The following FBXL7 variants were observed in gnomAD, a reference collection of about 807,000 sequenced individuals.
FBXL7 encodes the protein F-box/LRR-repeat protein 7.
A neutral mutation model predicts 38.3 loss-of-function variants in FBXL7; 12 were observed. The observed-to-expected ratio is 0.31, with a 90% CI of 0.20 to 0.51. FBXL7 has a LOEUF of 0.51. Among genes scored for constraint, FBXL7 ranks in the 20% least tolerant of loss-of-function variants. The pLI is 0.98. For missense variants in FBXL7, 567 were observed against 676.4 expected (o/e 0.84, Z 1.79); for synonymous variants, 297 against 300.9 (o/e 0.99, Z 0.13).
chr5:15,754,883 G>A (rs1403018705), intron 2 of FBXL7, among the ~76,000 whole-genome samples: 3 of 152,176 alleles, frequency 2.0e-5, no homozygotes, highest in African/African-American at 7.2e-5. Context: ...TTCAGTTCCT[G>A]CTCAACACAG....
At chr5:15,850,886 A>G (rs956261893) in intron 2 of FBXL7, among the ~76,000 whole-genome samples, 2 of 152,198 alleles carry the variant, frequency 1.3e-5, no homozygotes, top group African/African-American at 4.8e-5. Context: ...AAAAGTCAAC[A>G]CTGGATTTTC....
chr5:15,748,511 G>T (rs931337455), intron 2 of FBXL7, among the ~76,000 whole-genome samples: 3 of 152,144 alleles, frequency 2.0e-5, no homozygotes, highest in Admixed American at 1.3e-4. Context: ...GTAAATGGGA[G>T]TTCCCCTACA....
chr5:15,685,439 A>G (rs17647713), intron 2 of FBXL7, among the ~76,000 whole-genome samples: 9,861 of 152,248 alleles, frequency 0.065, 368 homozygotes, highest in East Asian at 0.089. Flanking sequence ...CTCAAAACCC[A>G]CAGAGGAAAG....
At chr5:15,631,681 A>G (rs1363685954) in intron 2 of FBXL7, among the ~76,000 whole-genome samples, 1 of 150,264 alleles carries the variant, frequency 6.7e-6, no homozygotes, top group Non-Finnish European at 1.5e-5. Context: ...AAAAAAAAAA[A>G]AAAAAAAAAA....
At chr5:15,691,297 C>A (rs150048062) in intron 2 of FBXL7, among the ~76,000 whole-genome samples, 9 of 152,160 alleles carry the variant, frequency 5.9e-5, no homozygotes, top group Non-Finnish European at 1.3e-4. Flanking sequence ...GCCTTTAAAG[C>A]GAAAATCATG....
intron 2 of FBXL7, among the ~76,000 whole-genome samples, chr5:15,633,164 T>C (rs958101469): frequency 9.9e-5 from 15 of 152,250 alleles, no homozygotes; most frequent in Admixed American, 9.2e-4. Flanking sequence ...TTTCATGAGG[T>C]TATCAGTAGT....
intron 1 of FBXL7, among the ~76,000 whole-genome samples, chr5:15,579,403 G>A (rs1739068520): frequency 6.6e-6 from 1 of 152,166 alleles, no homozygotes; most frequent in South Asian, 2.1e-4. Context: ...ATTTGTCCAT[G>A]AGTATGTGGC....
chr5:15,541,443 GTATATATATATATA>G (rs56810372), intron 1 of FBXL7, among the ~76,000 whole-genome samples: 1,406 of 38,462 alleles, frequency 0.037, 38 homozygotes, highest in Admixed American at 0.054. Context: ...GTGTGTGTGT[GTATATATATATATA>G]TATATATATA....
intron 1 of FBXL7, among the ~76,000 whole-genome samples, chr5:15,584,088 G>T (rs1739232776): frequency 6.6e-6 from 1 of 152,162 alleles, no homozygotes; most frequent in Non-Finnish European, 1.5e-5. Flanking sequence ...TTTAACCGCA[G>T]CTGGAGCTGG....
At chr5:15,731,644 C>T (rs982104560) in intron 2 of FBXL7, among the ~76,000 whole-genome samples, 5 of 152,146 alleles carry the variant, frequency 3.3e-5, no homozygotes, top group African/African-American at 1.2e-4. Context: ...TAGGTAAGTC[C>T]ATGCAGAGTG....
At position 15,541,449 on chromosome 5, in the gene FBXL7, A is replaced by G. The variant is rs866111451; in HGVS notation, c.37+40736A>G. Reference sequence around the variant, plus strand: ...AGTATATATGTGTGTGTGTGTATATATATATATATATATATATATATATAT... The same window carrying G: ...AGTATATATGTGTGTGTGTGTATATGTATATATATATATATATATATATAT... On this transcript the variant is annotated intron_variant, in intron 1 of 3. Coordinates refer to ENST00000504595, the MANE Select transcript of FBXL7 (RefSeq NM_012304.5). Among the ~76,000 whole-genome samples, 656 of 102,510 alleles carry G rather than the reference A, an allele frequency of 6.4e-3. 18 individuals are homozygous for G. The highest frequency in any genetic ancestry group is 0.022 in the African/African-American group (560 of 25,762). The allele number at this position is 102,510 out of a possible 152,430, so 67.3% of individuals were successfully genotyped here.
chr5:15,593,896 C>T (rs1240149668), intron 1 of FBXL7, among the ~76,000 whole-genome samples: 1 of 152,110 alleles, frequency 6.6e-6, no homozygotes. Context: ...ATATTCAATA[C>T]CAACCTTGGA....
chr5:15,933,677 T>G (rs1742098675), intron 3 of FBXL7, among the ~76,000 whole-genome samples: 1 of 152,236 alleles, frequency 6.6e-6, no homozygotes, highest in African/African-American at 2.4e-5. Context: ...CTGAAATTCT[T>G]TGACTTAGTA....
At chr5:15,729,070 G>A (rs1394014718) in intron 2 of FBXL7, among the ~76,000 whole-genome samples, 15 of 152,046 alleles carry the variant, frequency 9.9e-5, no homozygotes, top group African/African-American at 3.6e-4. Flanking sequence ...AATGAGAAAA[G>A]GAACTTCTAC....
chr5:15,931,708 C>T (rs1475597213), intron 3 of FBXL7, among the ~76,000 whole-genome samples: 2 of 152,216 alleles, frequency 1.3e-5, no homozygotes, highest in African/African-American at 4.8e-5. Context: ...ACACGCAATG[C>T]TCCCTTCTGT....
intron 1 of FBXL7, among the ~76,000 whole-genome samples, chr5:15,543,195 A>G (rs1258849050): frequency 6.6e-6 from 1 of 152,184 alleles, no homozygotes; most frequent in Non-Finnish European, 1.5e-5. Context: ...TAATGGACTC[A>G]TGGTTCCACA....
intron 2 of FBXL7, among the ~76,000 whole-genome samples, chr5:15,622,072 CATG>C (rs1427125398): frequency 5.3e-5 from 8 of 152,054 alleles, no homozygotes; most frequent in Non-Finnish European, 7.4e-5. Context: ...TGTTATAAAA[CATG>C]ATAAAATGTA....
chr5:15,603,563 G>A (rs1739878554), intron 1 of FBXL7, among the ~76,000 whole-genome samples: 1 of 152,200 alleles, frequency 6.6e-6, no homozygotes, highest in Admixed American at 6.5e-5. Flanking sequence ...TCCACTCTGT[G>A]TAGGCAATGA....
At chr5:15,924,601 G>T (rs1183025531) in intron 2 of FBXL7, among the ~76,000 whole-genome samples, 1 of 150,062 alleles carries the variant, frequency 6.7e-6, no homozygotes, top group Non-Finnish European at 1.5e-5. Flanking sequence ...GTTGGAGGAA[G>T]TTCTGTCTGC....
Sources: gnomAD v4.1 joint callset for allele counts (sites outside exome capture counted in the v4.1 genomes callset) on GRCh38, gnomAD v4.1.1 for gene constraint, MANE v1.5 for transcripts, NCBI Gene and HGNC (gene_info 2026-07-23, HGNC 2026-07-21) for gene names.